AP3B1: variants seen among roughly 807,000 people sequenced by gnomAD.
AP3B1 encodes the protein adaptor related protein complex 3 subunit beta 1.
A neutral mutation model predicts 132.5 loss-of-function variants in AP3B1; 61 were observed. That is an observed-to-expected ratio of 0.46 (90% CI 0.37 to 0.57). The LOEUF is 0.57. AP3B1 is among the 20% of genes least tolerant of loss of function. AP3B1 has a pLI of 0.00. For synonymous variants in AP3B1, 388 were observed against 438.3 expected (o/e 0.89, Z 1.43); for missense variants, 1,120 against 1,289.4 (o/e 0.87, Z 2.01).
intron 11 of AP3B1, among the ~76,000 whole-genome samples, chr5:78,171,121 G>A (rs1375318457): frequency 6.6e-6 from 1 of 152,180 alleles, no homozygotes; most frequent in Non-Finnish European, 1.5e-5. Flanking sequence ...GTACCATGCT[G>A]TTTTGGTTAC....
intron 13 of AP3B1, among the ~76,000 whole-genome samples, chr5:78,160,322 A>G (rs1743338588): frequency 6.6e-6 from 1 of 152,310 alleles, no homozygotes; most frequent in East Asian, 1.9e-4. Flanking sequence ...AGTAGATGGC[A>G]ATAAGGTTAT....
chr5:78,146,752 A>G lies in AP3B1; in HGVS notation c.1474-5433T>C, dbSNP rs560266494. Among the ~76,000 whole-genome samples, 40 of 152,252 alleles carry G rather than the reference A, an allele frequency of 2.6e-4. No individual in the cohort carries two copies. The South Asian group carries it at 5.4e-3, about 21-fold the overall frequency. On this transcript the variant is annotated intron_variant, in intron 14 of 26. Coordinates refer to ENST00000255194, the MANE Select transcript of AP3B1 (RefSeq NM_003664.5). ...TTAGCCATGTCCTACATGTTTTGAA[A>G]TAAAGCATTTTATTTCCTGGGTTTT...
chr5:78,205,059 CAACT>C (rs1324712283), intron 7 of AP3B1, among the ~76,000 whole-genome samples: 1 of 152,074 alleles, frequency 6.6e-6, no homozygotes, highest in African/African-American at 2.4e-5. Context: ...GGATTAGAAA[CAACT>C]TATCTGTTTC....
At chr5:78,016,133 T>C (rs891795737) in intron 25 of AP3B1, among the ~76,000 whole-genome samples, 21 of 152,004 alleles carry the variant, frequency 1.4e-4, no homozygotes, top group Non-Finnish European at 3.1e-4. Context: ...GTCTAGTGAA[T>C]GGAAAGTGTT....
intron 26 of AP3B1, among the ~76,000 whole-genome samples, chr5:78,014,869 C>T (rs1746793978): frequency 6.6e-6 from 1 of 152,168 alleles, no homozygotes; most frequent in Non-Finnish European, 1.5e-5. Context: ...TAACTTGGAT[C>T]TCATATTTCA....
downstream of AP3B1, chr5:78,001,050 T>C (rs1746191236): frequency 1.3e-5 from 2 of 152,152 alleles, no homozygotes; most frequent in African/African-American, 4.8e-5. Context: ...CAGCCAAAAA[T>C]AACTTAGTCA....
intron 24 of AP3B1, among the ~76,000 whole-genome samples, chr5:78,029,255 C>T (rs527847419): frequency 1.1e-4 from 17 of 152,190 alleles, no homozygotes; most frequent in Middle Eastern, 3.4e-3. Flanking sequence ...TACAAAAGTG[C>T]ATGGTTTAAT....
At chr5:78,094,416 C>T (rs1223517346) in intron 21 of AP3B1, among the ~76,000 whole-genome samples, 4 of 152,112 alleles carry the variant, frequency 2.6e-5, no homozygotes, top group African/African-American at 9.7e-5. Flanking sequence ...TAAAATGAGA[C>T]ACAAAGAAAC....
Position 78,087,358 on chromosome 5 carries a change from TTCA to T in AP3B1, c.2577+2032_2577+2034del, listed in dbSNP as rs1235752014. Reference sequence around the variant, plus strand: ...ATGAGGAAGCTTAAACTCTGGTTGATTCATCTTCTTTTCTCAGTACTGTTCTGA... The same window carrying T: ...ATGAGGAAGCTTAAACTCTGGTTGATTCTTCTTTTCTCAGTACTGTTCTGA... On this transcript the variant is annotated intron_variant, in intron 22 of 26. Coordinates refer to ENST00000255194, the MANE Select transcript of AP3B1 (RefSeq NM_003664.5). 12 of 211,174 alleles carry T rather than the reference TTCA, an allele frequency of 5.7e-5. No individual in the cohort carries two copies. In the Admixed American group the frequency reaches 7.8e-4, roughly 14 times the overall value. 13.1% of individuals were successfully genotyped at this position (211,174 alleles called of 1,614,324 possible).
intron 17 of AP3B1, among the ~76,000 whole-genome samples, chr5:78,117,602 G>A (rs905470249): frequency 7.2e-5 from 11 of 152,084 alleles, no homozygotes; most frequent in East Asian, 3.9e-4. Context: ...GAGCCACCAC[G>A]TCCAGCCTAT....
Position 78,021,353 on chromosome 5 carries a change from T to C in AP3B1, c.2895-564A>G, listed in dbSNP as rs143454257. Reference sequence around the variant, plus strand: ...CTAGCAGTGCTATTCATTGACATTATTGACCAACATGGTAAAAGTTATTAT... The same window carrying C: ...CTAGCAGTGCTATTCATTGACATTACTGACCAACATGGTAAAAGTTATTAT... On this transcript the variant is annotated intron_variant, in intron 24 of 26. Coordinates refer to ENST00000255194, the MANE Select transcript of AP3B1 (RefSeq NM_003664.5). Among the ~76,000 whole-genome samples, 632 of 152,258 alleles carry C rather than the reference T, an allele frequency of 4.2e-3. 2 individuals carry two copies. The highest frequency in any genetic ancestry group is 0.012 in the Admixed American group (181 of 15,280).
chr5:78,121,670 C>G (rs568442965), intron 17 of AP3B1: 3 of 152,148 alleles, frequency 2.0e-5, no homozygotes, highest in Non-Finnish European at 4.4e-5. Flanking sequence ...CTGAATAGAC[C>G]GATAACAGGC....
At position 78,104,522 on chromosome 5, in the gene AP3B1, A is replaced by ATTTT. The variant is rs200803141; in HGVS notation, c.2398-3498_2398-3497insAAAA. On this transcript the variant is annotated intron_variant, in intron 20 of 26. Transcript: ENST00000255194. ...AGGCAAGGCTTTGCATTATAACAGT[A>ATTTT]AAACCCAATATTCTTCAATATTTAT... Among the ~76,000 whole-genome samples, 121 of 152,308 alleles carry ATTTT rather than the reference A, an allele frequency of 7.9e-4. 3 individuals carry two copies. The East Asian group carries it at 0.02, about 25-fold the overall frequency.
intron 14 of AP3B1, among the ~76,000 whole-genome samples, chr5:78,153,741 G>A (rs926038601): frequency 2.0e-5 from 3 of 151,834 alleles, no homozygotes; most frequent in Non-Finnish European, 2.9e-5. Context: ...TAGATTAGAG[G>A]TTACAATGAA....
At chr5:78,148,916 G>A (rs1262833443) in intron 14 of AP3B1, among the ~76,000 whole-genome samples, 1 of 152,178 alleles carries the variant, frequency 6.6e-6, no homozygotes, top group Non-Finnish European at 1.5e-5. Flanking sequence ...AATATGAGCA[G>A]TGTTACAATG....
intron 3 of AP3B1, among the ~76,000 whole-genome samples, chr5:78,239,894 T>C (rs1747050848): frequency 6.6e-6 from 1 of 152,056 alleles, no homozygotes; most frequent in African/African-American, 2.4e-5. Context: ...AGCTCAAAAA[T>C]GTTTTCTTTT....
At chr5:78,161,941 A>G in intron 13 of AP3B1, among the ~76,000 whole-genome samples, 1 of 152,052 alleles carries the variant, frequency 6.6e-6, no homozygotes, top group East Asian at 1.9e-4. Flanking sequence ...AATAAAATGT[A>G]ATCAATTTTG....
intron 7 of AP3B1, among the ~76,000 whole-genome samples, chr5:78,189,232 T>C (rs139394217): frequency 1.7e-3 from 258 of 152,154 alleles, no homozygotes; most frequent in African/African-American, 5.7e-3. Context: ...ACTTAAAAAA[T>C]AATAATAAAA....
At chr5:78,051,768 A>C (rs530029036) in intron 22 of AP3B1, among the ~76,000 whole-genome samples, 1 of 152,292 alleles carries the variant, frequency 6.6e-6, no homozygotes, top group Admixed American at 6.5e-5. Context: ...CTTACTTTAC[A>C]TCAGTATCTA....
Sources: allele counts gnomAD v4.1 joint callset (sites outside exome capture counted in the v4.1 genomes callset), GRCh38; gene constraint gnomAD v4.1.1; transcripts MANE v1.5; gene names NCBI Gene and HGNC (gene_info 2026-07-23, HGNC 2026-07-21).